The following TBL1XR1 variants were observed in gnomAD, a reference collection of about 807,000 sequenced individuals.
TBL1XR1 encodes the protein F-box-like/WD repeat-containing protein TBL1XR1.
A neutral mutation model predicts 66.9 loss-of-function variants in TBL1XR1; 5 were observed. The ratio of observed to expected loss-of-function variants is 0.07; its 90% CI spans 0.04 to 0.16. TBL1XR1 has a LOEUF of 0.16. TBL1XR1 is among the 10% of genes least tolerant of loss of function. TBL1XR1 has a pLI of 1.00. For missense variants in TBL1XR1, 238 were observed against 623.2 expected, an observed-to-expected ratio of 0.38 and a Z score of 6.58; for synonymous variants, 210 against 206.0, an observed-to-expected ratio of 1.02 and a Z score of -0.17.
At chr3:177,051,455 AT>A in intron 5 of TBL1XR1, 48 bp downstream of exon 5, 1 of 1,508,254 alleles carries the variant, frequency 6.6e-7, no homozygotes, top group African/African-American at 1.4e-5. Context: ...GTTTAAAAAA[AT>A]AAATAAATAA....
At chr3:177,103,469 A>T (rs948610093) in intron 1 of TBL1XR1, among the ~76,000 whole-genome samples, 2 of 152,252 alleles carry the variant, frequency 1.3e-5, no homozygotes, top group Non-Finnish European at 2.9e-5. Flanking sequence ...GGCTTACAGC[A>T]TAGAAAGACA....
chr3:177,084,724 TTC>T (rs1721910375), intron 2 of TBL1XR1, among the ~76,000 whole-genome samples: 2 of 152,234 alleles, frequency 1.3e-5, no homozygotes, highest in Non-Finnish European at 2.9e-5. Context: ...TTCTGAACAA[TTC>T]TCTAATTCCT....
At chr3:177,196,842 G>C (rs1406941653) in intron 1 of TBL1XR1, among the ~76,000 whole-genome samples, 1 of 151,834 alleles carries the variant, frequency 6.6e-6, no homozygotes, top group African/African-American at 2.4e-5. Context: ...ATTAGGGTGA[G>C]GATCCCCCGA....
At chr3:177,107,296 GAA>G (rs1189169275) in intron 1 of TBL1XR1, among the ~76,000 whole-genome samples, 2 of 152,132 alleles carry the variant, frequency 1.3e-5, no homozygotes, top group Non-Finnish European at 2.9e-5. Context: ...TGTCCTTACA[GAA>G]AACATTTCCT....
At chr3:177,141,734 G>A (rs1365833416) in intron 1 of TBL1XR1, among the ~76,000 whole-genome samples, 1 of 152,186 alleles carries the variant, frequency 6.6e-6, no homozygotes, top group Non-Finnish European at 1.5e-5. Flanking sequence ...AACAAAGCAG[G>A]ATCTCAAAAG....
chr3:177,164,959 A>AT (rs1048151731), intron 1 of TBL1XR1, among the ~76,000 whole-genome samples: 384 of 148,718 alleles, frequency 2.6e-3, no homozygotes, highest in African/African-American at 7.8e-3. Context: ...TGAAGTTTTA[A>AT]TTTTTTTTTT....
intron 1 of TBL1XR1, chr3:177,196,374 T>C (rs1736847188): frequency 6.6e-6 from 1 of 151,902 alleles, no homozygotes; most frequent in Non-Finnish European, 1.5e-5. Flanking sequence ...AATTCTACAC[T>C]CCTGAACCCA....
chr3:177,094,340 A>G (rs1010250596), intron 2 of TBL1XR1, among the ~76,000 whole-genome samples: 1 of 152,196 alleles, frequency 6.6e-6, no homozygotes, highest in African/African-American at 2.4e-5. Flanking sequence ...GTTGGTGTGG[A>G]TGTGGTGAAA....
intron 1 of TBL1XR1, among the ~76,000 whole-genome samples, chr3:177,139,866 A>G (rs181181041): frequency 6.6e-6 from 1 of 152,210 alleles, no homozygotes. Flanking sequence ...TACCTGTAGT[A>G]ACTGGAGTCT....
chr3:177,131,837 C>T (rs1051426489), intron 1 of TBL1XR1, among the ~76,000 whole-genome samples: 3 of 150,012 alleles, frequency 2.0e-5, no homozygotes, highest in East Asian at 3.9e-4. Flanking sequence ...AACACATTAA[C>T]GAATTCATCA....
intron 1 of TBL1XR1, chr3:177,196,459 G>A (rs975144607): frequency 6.7e-6 from 1 of 150,184 alleles, no homozygotes; most frequent in East Asian, 1.9e-4. Flanking sequence ...ACGTCCCGGA[G>A]CAAGGCCCGG....
intron 1 of TBL1XR1, among the ~76,000 whole-genome samples, chr3:177,189,256 G>A (rs938375058): frequency 6.6e-6 from 1 of 151,810 alleles, no homozygotes; most frequent in Non-Finnish European, 1.5e-5. Context: ...GGTGGCTCAC[G>A]CCTATAATCC....
At chr3:177,195,559 ACTCATTGTAT>A (rs1421403406) in intron 1 of TBL1XR1, 1 of 151,992 alleles carries the variant, frequency 6.6e-6, no homozygotes, top group Non-Finnish European at 1.5e-5. Context: ...CCAAACAGTC[ACTCATTGTAT>A]CTTCAACGTG....
At chr3:177,065,106 T>A in intron 2 of TBL1XR1, 84 bp from the exon 3 acceptor site, 1 of 909,870 alleles carries the variant, frequency 1.1e-6, no homozygotes, top group Non-Finnish European at 1.5e-6. Flanking sequence ...CCATTTGATT[T>A]TATTAAATGA....
Position 177,024,704 on chromosome 3 carries a change from A to C in TBL1XR1, c.*794T>G, listed in dbSNP as rs1712839986. The stretch of plus-strand genomic sequence containing the variant: ...TTGCATTTAAGCCACATCACCAAAA[A>C]ACAAAAAAGAAAAAAAAAAAAAAAA... On this transcript the variant is annotated 3_prime_UTR_variant, in exon 16 of 16. Transcript: ENST00000457928. 6.8e-6 allele frequency: 1 copy of C among 146,586 alleles called. No homozygotes were observed. 9.1% of individuals were successfully genotyped at this position (146,586 alleles called of 1,614,324 possible).
At chr3:177,155,934 G>T (rs966180037) in intron 1 of TBL1XR1, among the ~76,000 whole-genome samples, 2 of 151,392 alleles carry the variant, frequency 1.3e-5, no homozygotes, top group East Asian at 2.0e-4. Flanking sequence ...ACTTGAACCC[G>T]AGAGGTGAAG....
intron 1 of TBL1XR1, among the ~76,000 whole-genome samples, chr3:177,155,970 T>C (rs926623714): frequency 1.3e-4 from 19 of 151,624 alleles, no homozygotes; most frequent in East Asian, 1.9e-4. Context: ...GACTGCACCA[T>C]TGCACTCCAG....
rs564260589 is a variant in TBL1XR1, at chr3:177,043,906, A to T, written c.925+2223T>A. On this transcript the variant is annotated intron_variant, in intron 10 of 15. Coordinates refer to ENST00000457928, the MANE Select transcript of TBL1XR1 (RefSeq NM_024665.7). ...CTTTAACTTGTCACCATCTACCTTG[A>T]GGTGATAATTTTAAATGGGCTAAAT... is the stretch of plus-strand genomic sequence containing the variant. Among the ~76,000 whole-genome samples, 6 of 152,176 alleles carry T rather than the reference A, an allele frequency of 3.9e-5. No individual in the cohort carries two copies. In the East Asian group the frequency reaches 9.7e-4, roughly 25 times the overall value.
At chr3:177,195,526 G>C (rs1736734862) in intron 1 of TBL1XR1, 1 of 147,362 alleles carries the variant, frequency 6.8e-6, no homozygotes, top group Non-Finnish European at 1.5e-5. Flanking sequence ...TAACAAAAAT[G>C]AAAATGAATC....
Sources: gnomAD v4.1 joint callset for allele counts (sites outside exome capture counted in the v4.1 genomes callset) on GRCh38, gnomAD v4.1.1 for gene constraint, MANE v1.5 for transcripts, NCBI Gene and HGNC (gene_info 2026-07-23, HGNC 2026-07-21) for gene names.